The following RANBP2 variants were observed in gnomAD, a reference collection of about 807,000 sequenced individuals.
RANBP2 encodes E3 SUMO-protein ligase RanBP2.
A neutral mutation model predicts 303.6 loss-of-function variants in RANBP2; 57 were observed. The observed-to-expected ratio is 0.19, with a 90% confidence interval of 0.15 to 0.23. RANBP2 has a LOEUF of 0.23. RANBP2 is among the 10% of genes least tolerant of loss of function. RANBP2 has a pLI of 1.00. For synonymous variants in RANBP2, 1,167 were observed against 1,301.5 expected (o/e 0.90, Z 2.23); for missense variants, 3,138 against 3,780.8 (o/e 0.83, Z 4.46).
chr2:109,441,658 C>T, the RANBP2 span, among the ~76,000 whole-genome samples: 2 of 152,108 alleles, frequency 1.3e-5, no homozygotes, highest in African/African-American at 4.8e-5. Context: ...AAAATTGTTC[C>T]AAATTTGATG....
chr2:109,377,035 C>T, the RANBP2 span, among the ~76,000 whole-genome samples: 62 of 152,360 alleles, frequency 4.1e-4, no homozygotes, highest in African/African-American at 1.3e-3. Context: ...GCTCAGAGTC[C>T]GGGCTATTTT....
chr2:109,704,957 T>C, the RANBP2 span, among the ~76,000 whole-genome samples: 2 of 152,000 alleles, frequency 1.3e-5, no homozygotes, highest in South Asian at 4.2e-4. Context: ...CAAACCCCTT[T>C]AGGAATTACA....
rs751018009 is a variant in RANBP2, at chr2:108,767,511, T to C, written c.6972T>C (p.Ser2324=). Residue 2324 remains serine, a synonymous_variant, in exon 20 of 29, where the codon AGT becomes AGC. Coordinates refer to ENST00000283195, the MANE Select transcript of RANBP2 (RefSeq NM_006267.5). ...TACCTGATCTAGTTGAAGTATCCAGTGGTGAGGAAAATGAACAAGTTGTTT... is the reference window on the plus strand; with the variant it reads ...TACCTGATCTAGTTGAAGTATCCAGCGGTGAGGAAAATGAACAAGTTGTTT... The part of the protein sequence containing the change: ...VPLPDLVEVS[S]GEENEQVVFS... The C allele has an allele frequency of 3.7e-5, 60 of 1,611,798 alleles. No individual in the cohort carries two copies. The highest frequency in any genetic ancestry group is 4.2e-5 in the Non-Finnish European group (50 of 1,179,840).
intron 23 of RANBP2, among the ~76,000 whole-genome samples, 176 bp from the exon 24 acceptor site, chr2:108,775,556 C>T (rs1677821979): frequency 6.6e-6 from 1 of 152,140 alleles, no homozygotes; most frequent in Non-Finnish European, 1.5e-5. Flanking sequence ...TAGAGGTGCT[C>T]TGTATGTTTC....
chr2:109,509,867 A>C, the RANBP2 span, among the ~76,000 whole-genome samples: 1 of 152,286 alleles, frequency 6.6e-6, no homozygotes, highest in South Asian at 2.1e-4. Flanking sequence ...GTGCTCATGG[A>C]GACCAGGTCA....
At chr2:109,721,411 C>A in the RANBP2 span, among the ~76,000 whole-genome samples, 50 of 152,274 alleles carry the variant, frequency 3.3e-4, no homozygotes, top group African/African-American at 1.1e-3. Flanking sequence ...TGCAGAAACA[C>A]GCTGGGCATG....
At chr2:109,731,852 T>TC in the RANBP2 span, among the ~76,000 whole-genome samples, 1 of 151,442 alleles carries the variant, frequency 6.6e-6, no homozygotes, top group Non-Finnish European at 1.5e-5. Context: ...TTTTTCTTTT[T>TC]TTTTTTGGCG....
chr2:109,012,817 G>A, the RANBP2 span, among the ~76,000 whole-genome samples: 1 of 152,192 alleles, frequency 6.6e-6, no homozygotes, highest in African/African-American at 2.4e-5. Context: ...GGGAGGCTGA[G>A]GCAGGAGAAT....
the RANBP2 span, among the ~76,000 whole-genome samples, chr2:109,302,312 G>C: frequency 6.6e-6 from 1 of 152,230 alleles, no homozygotes; most frequent in African/African-American, 2.4e-5. Flanking sequence ...CAGCATATCT[G>C]TGATGGATCA....
At chr2:108,745,147 A>G (rs1696413929) in intron 7 of RANBP2, among the ~76,000 whole-genome samples, 1 of 151,298 alleles carries the variant, frequency 6.6e-6, no homozygotes, top group Admixed American at 6.6e-5. Flanking sequence ...TACTTCAAGT[A>G]ATTTAGCAAT....
At chr2:109,102,252 C>T in the RANBP2 span, among the ~76,000 whole-genome samples, 1 of 151,990 alleles carries the variant, frequency 6.6e-6, no homozygotes, top group African/African-American at 2.4e-5. Flanking sequence ...AGGCGCCTGC[C>T]ACCATGCCTG....
the RANBP2 span, among the ~76,000 whole-genome samples, chr2:109,217,847 G>GCCCCCATCT: frequency 6.6e-6 from 1 of 152,144 alleles, no homozygotes; most frequent in Admixed American, 6.5e-5. Flanking sequence ...AGGCAGGGGA[G>GCCCCCATCT]CCCCCATCTC....
At chr2:108,821,560 A>C in the RANBP2 span, among the ~76,000 whole-genome samples, 1 of 152,240 alleles carries the variant, frequency 6.6e-6, no homozygotes, top group Non-Finnish European at 1.5e-5. Context: ...AACACACACA[A>C]AAATCAGTGA....
chr2:109,251,749 T>G, the RANBP2 span: 1 of 618,638 alleles, frequency 1.6e-6, no homozygotes. Context: ...ATTAGACTTT[T>G]TGTTAAATAA....
the RANBP2 span, among the ~76,000 whole-genome samples, chr2:109,404,227 A>G: frequency 1.3e-5 from 2 of 152,270 alleles, no homozygotes; most frequent in Non-Finnish European, 2.9e-5. Flanking sequence ...ACAGCCTGAA[A>G]TATCCACTGT....
At chr2:109,420,646 C>T in the RANBP2 span, among the ~76,000 whole-genome samples, 12 of 152,200 alleles carry the variant, frequency 7.9e-5, no homozygotes, top group African/African-American at 2.4e-4. Context: ...GGGGTTTCAC[C>T]GTGTTAGCCA....
chr2:108,909,354 C>A, the RANBP2 span, among the ~76,000 whole-genome samples: 4 of 151,948 alleles, frequency 2.6e-5, no homozygotes, highest in Admixed American at 2.6e-4. Flanking sequence ...GTGACCAGGT[C>A]CTGCCCTTGG....
chr2:109,459,076 C>T, the RANBP2 span, among the ~76,000 whole-genome samples: 1 of 152,052 alleles, frequency 6.6e-6, no homozygotes, highest in South Asian at 2.1e-4. Context: ...GCGCCCTTCC[C>T]AGAAGAGGAT....
At chr2:109,175,440 A>G in the RANBP2 span, among the ~76,000 whole-genome samples, 14 of 152,224 alleles carry the variant, frequency 9.2e-5, no homozygotes, top group Non-Finnish European at 1.8e-4. Flanking sequence ...CGTCTGTGTA[A>G]CCAGGAAGCT....
Sources: allele counts gnomAD v4.1 joint callset (sites outside exome capture counted in the v4.1 genomes callset), GRCh38; gene constraint gnomAD v4.1.1; transcripts MANE v1.5; gene names NCBI Gene and HGNC (gene_info 2026-07-23, HGNC 2026-07-21).